NGB: variants seen among roughly 807,000 people sequenced by gnomAD.
NGB encodes the protein neuroglobin.
In NGB, 12 loss-of-function variants were observed where a neutral mutation model predicts 17.3. The ratio of observed to expected loss-of-function variants is 0.69; its 90% CI spans 0.45 to 1.13. The LOEUF (loss-of-function observed/expected upper bound fraction) is 1.13, where lower values mean the gene tolerates loss of function less well. NGB is among the 50% of genes most tolerant of loss of function. The probability of loss-of-function intolerance (pLI) is 0.00; values close to 1 mark genes in which losing one functional copy is unlikely to be tolerated. For synonymous variants in NGB, 87 were observed against 81.0 expected, an observed-to-expected ratio of 1.07 and a Z score of -0.40; for missense variants, 195 against 191.7, an observed-to-expected ratio of 1.02 and a Z score of -0.10.
In NGB at chr14:77,265,921, T is replaced by C; in HGVS notation, c.*615A>G. ...ATGCCGCCAAAGGAAACCGACTCTG[T>C]CAGGGCATCTGCACAGCCCGCGAGA... On this transcript the variant is annotated 3_prime_UTR_variant, in exon 4 of 4. Transcript: ENST00000298352. The surrounding 1 kb of genome is among the most constrained non-coding windows in gnomAD (Gnocchi z 4.7). 1 of 191,554 alleles carries C rather than the reference T, an allele frequency of 5.2e-6. No individual in the cohort carries two copies. The highest frequency in any genetic ancestry group is 1.1e-5 in the Non-Finnish European group (1 of 88,070). The allele number at this position is 191,554 out of a possible 1,614,324, so 11.9% of individuals were successfully genotyped here. A position where few individuals can be genotyped will look rare whatever the true frequency, so the allele number is the denominator to read the frequency against.
At position 77,268,523 on chromosome 14, in the gene NGB, G is replaced by A; in HGVS notation, c.264C>T (p.Tyr88=). 1 of 1,613,688 alleles carries A rather than the reference G, an allele frequency of 6.2e-7. No homozygotes were observed. The highest frequency in any genetic ancestry group is 8.5e-7 in the Non-Finnish European group (1 of 1,179,968). The change falls in exon 3 of 4, where the codon TAC becomes TAT. Residue 88 remains tyrosine (Y), a synonymous_variant. Transcript: ENST00000298352. ...GGTGCTTCCTGCCCAGGCTGGCAAGGTACTCCTCCAGTGAGGACAGGTCTT... is the reference window on the plus strand; with the variant it reads ...GGTGCTTCCTGCCCAGGCTGGCAAGATACTCCTCCAGTGAGGACAGGTCTT... ...NVEDLSSLEE[Y]LASLGRKHRA... is the part of the protein sequence containing the mutation.
intron 1 of NGB, among the ~76,000 whole-genome samples, chr14:77,269,670 CT>C (rs1889727809): frequency 7.8e-3 from 8 of 1,024 alleles, no homozygotes; most frequent in African/African-American, 0.028. Flanking sequence ...AAAGCCCTTT[CT>C]CTCTCTCTCT....
intron 3 of NGB, 94 bp downstream of exon 3, chr14:77,268,372 A>C (rs552131996): frequency 3.5e-5 from 48 of 1,356,460 alleles, no homozygotes; most frequent in Admixed American, 6.1e-5. Context: ...AGGATATGGG[A>C]ATGGGAGAGA....
At chr14:77,269,389 T>A in intron 1 of NGB, 63 bp from the exon 2 acceptor site, 1 of 1,168,314 alleles carries the variant, frequency 8.6e-7, no homozygotes, top group Non-Finnish European at 1.2e-6. Context: ...CCAGCAAGCC[T>A]GGCTGTCCTG....
intron 3 of NGB, 23 bp downstream of exon 3, chr14:77,268,443 A>G (rs1490263238): frequency 1.2e-6 from 2 of 1,606,612 alleles, no homozygotes; most frequent in South Asian, 2.2e-5. Flanking sequence ...AGCTCTGGAG[A>G]GAGTCAGAGC....
chr14:77,267,762 G>A (rs1029081686), intron 3 of NGB, among the ~76,000 whole-genome samples: 2 of 152,186 alleles, frequency 1.3e-5, no homozygotes, highest in Non-Finnish European at 2.9e-5. Flanking sequence ...TGACTGGACT[G>A]TGTGGTGTAC....
intron 3 of NGB, 60 bp from the exon 4 acceptor site, chr14:77,266,730 C>T (rs1417088565): frequency 1.3e-6 from 2 of 1,585,892 alleles, no homozygotes; most frequent in Non-Finnish European, 1.7e-6. Flanking sequence ...CTCCATTCCA[C>T]AGGTGAGAAA....
At chr14:77,270,331 T>A (rs1301962301) in intron 1 of NGB, among the ~76,000 whole-genome samples, 1 of 151,394 alleles carries the variant, frequency 6.6e-6, no homozygotes, top group Non-Finnish European at 1.5e-5. Flanking sequence ...GCTCTCTGGC[T>A]CTTTCCTCGG....
At position 77,266,498 on chromosome 14, in the gene NGB, GAC is replaced by G. The variant is rs758209751; in HGVS notation, c.*36_*37del. 1.3e-6 allele frequency: 2 copies of G among 1,599,152 alleles called. No homozygotes were observed. Among genetic ancestry groups the G allele is most frequent in the South Asian group, 2.3e-5 (2 of 88,060 alleles). On this transcript the variant is annotated 3_prime_UTR_variant, in exon 4 of 4. Coordinates refer to ENST00000298352, the MANE Select transcript of NGB (RefSeq NM_021257.4). ...TACAACAGATACAGGCCAACAGACA[GAC>G]ACAGATGGATGGGGGCTGCCGGGCG...
intron 1 of NGB, among the ~76,000 whole-genome samples, chr14:77,270,125 G>A (rs988108728): frequency 6.6e-6 from 1 of 152,072 alleles, no homozygotes; most frequent in Admixed American, 6.5e-5. Flanking sequence ...CTGGGTAGAA[G>A]TTCTGGACTG....
intron 1 of NGB, 77 bp downstream of exon 1, chr14:77,270,772 G>T: frequency 7.7e-7 from 1 of 1,294,454 alleles, no homozygotes; most frequent in Non-Finnish European, 1.1e-6. Context: ...CCTCCTTCGG[G>T]GCCGGTCCTG....
At position 77,267,244 on chromosome 14, in the gene NGB, C is replaced by A. The variant is rs556863746; in HGVS notation, c.322-574G>T. Among the ~76,000 whole-genome samples the A allele has an allele frequency of 1.1e-4, 17 of 152,294 alleles. No homozygotes were observed. In the South Asian group the frequency reaches 1.5e-3, roughly 13 times the overall value. On this transcript the variant is annotated intron_variant, in intron 3 of 3. Coordinates refer to ENST00000298352, the MANE Select transcript of NGB (RefSeq NM_021257.4). Reference sequence around the variant, plus strand: ...TAGCACAGCATCTGTATACAGGAAACCTACAATGATAATAGGCCAGGTGCA... The same window carrying A: ...TAGCACAGCATCTGTATACAGGAAAACTACAATGATAATAGGCCAGGTGCA...
Position 77,266,676 on chromosome 14 carries a change from G to C in NGB, c.322-6C>G, listed in dbSNP as rs1360473143. Reference sequence around the variant, plus strand: ...AGCAGAGACTCACCCACTGTCTGCAGAGGCAAGGGGCACCTTGTCACTTCC... The same window carrying C: ...AGCAGAGACTCACCCACTGTCTGCACAGGCAAGGGGCACCTTGTCACTTCC... On this transcript the variant is annotated splice_region_variant and splice_polypyrimidine_tract_variant and intron_variant, in intron 3 of 3. Transcript: ENST00000298352. 1.2e-6 allele frequency: 2 copies of C among 1,612,656 alleles called. No homozygotes were observed. The highest frequency in any genetic ancestry group is 1.7e-5 in the Admixed American group (1 of 59,696).
chr14:77,271,025 C>T lies in NGB; in HGVS notation c.-88G>A, dbSNP rs1299708587. 4 of 971,882 alleles carry T rather than the reference C, an allele frequency of 4.1e-6. No homozygotes were observed. The Admixed American group carries it at 8.9e-5, about 22-fold the overall frequency. 60.2% of individuals were successfully genotyped at this position (971,882 alleles called of 1,614,324 possible). On this transcript the variant is annotated 5_prime_UTR_variant, in exon 1 of 4. Transcript: ENST00000298352. ...GTGCCGCGCCATCTCCTCCGCGACGCGGTCCCCTCCGCCCCTCGTACGCCC... is the reference window on the plus strand; with the variant it reads ...GTGCCGCGCCATCTCCTCCGCGACGTGGTCCCCTCCGCCCCTCGTACGCCC...
rs964027128 is a variant in NGB at position 77,269,780 on chromosome 14, T to C, written c.90-454A>G. 3.6e-4 allele frequency among the ~76,000 whole-genome samples: 15 copies of C among 41,310 alleles called. 1 individual carries two copies. Among genetic ancestry groups the C allele is most frequent in the African/African-American group, 1.1e-3 (9 of 8,244 alleles). The allele number at this position is 41,310 out of a possible 152,430, so 27.1% of individuals were successfully genotyped here. ...CTCTCTCTCTCTCTCTCTCTCTCTC[T>C]CTCCCTCTCCCTCTCCCCCCCCCCC... is the stretch of plus-strand genomic sequence containing the variant. On this transcript the variant is annotated intron_variant, in intron 1 of 3. Transcript: ENST00000298352.
intron 1 of NGB, 30 bp from the exon 2 acceptor site, chr14:77,269,356 T>TG (rs1566637314): frequency 1.4e-6 from 2 of 1,471,240 alleles, no homozygotes; most frequent in African/African-American, 2.8e-5. Flanking sequence ...GTGTTAGCCC[T>TG]GGGGTGTGAG....
chr14:77,270,602 G>T (rs1027725133), intron 1 of NGB, among the ~76,000 whole-genome samples: 2 of 152,206 alleles, frequency 1.3e-5, no homozygotes, highest in Non-Finnish European at 2.9e-5. Flanking sequence ...ATCCCGCCCG[G>T]CCCGGTGAGC....
rs72681205 is a variant in NGB, at chr14:77,265,555, C to A, written c.*981G>T. On this transcript the variant is annotated 3_prime_UTR_variant, in exon 4 of 4. Coordinates refer to ENST00000298352, the MANE Select transcript of NGB (RefSeq NM_021257.4). The surrounding 1 kb of genome is among the most constrained non-coding windows in gnomAD (Gnocchi z 4.7). ...CACAGTCAGCACAGAGCAAATGGTA[C>A]AAGTGCAGATGGCTGGGGTGAGGGC... The A allele has an allele frequency of 0.024, 3,687 of 153,942 alleles. 56 individuals carry two copies. The highest frequency in any genetic ancestry group is 0.072 in the Middle Eastern group (22 of 306). 9.5% of individuals were successfully genotyped at this position (153,942 alleles called of 1,614,324 possible). A position where few individuals can be genotyped will look rare whatever the true frequency, so the allele number is the denominator to read the frequency against.
chr14:77,270,650 A>C (rs1310401869), intron 1 of NGB, among the ~76,000 whole-genome samples, 199 bp downstream of exon 1: 2 of 152,162 alleles, frequency 1.3e-5, no homozygotes. Context: ...GGTTGGCAAC[A>C]GGCGCCCACG....
Sources: allele counts gnomAD v4.1 joint callset (sites outside exome capture counted in the v4.1 genomes callset), GRCh38; gene constraint gnomAD v4.1.1; non-coding constraint Gnocchi (gnomAD v3.1); transcripts MANE v1.5; gene names NCBI Gene and HGNC (gene_info 2026-07-23, HGNC 2026-07-21).